PCDHGA4: variants seen among roughly 807,000 people sequenced by gnomAD.
The protein encoded by PCDHGA4 is protocadherin gamma-A4.
In PCDHGA4, 38 loss-of-function variants were observed where a neutral mutation model predicts 54.6. The observed-to-expected ratio is 0.70, with a 90% CI of 0.54 to 0.91. The LOEUF (loss-of-function observed/expected upper bound fraction) is 0.91. PCDHGA4 is among the 40% of genes least tolerant of loss of function. PCDHGA4 has a pLI of 0.00. For missense variants in PCDHGA4, 1,298 were observed against 1,220.9 expected, an observed-to-expected ratio of 1.06 and a Z score of -0.94; for synonymous variants, 511 against 512.9, an observed-to-expected ratio of 1.00 and a Z score of 0.05.
chr5:141,384,201 G>C (rs369190060), intron 1 of PCDHGA4: 30 of 1,613,802 alleles, frequency 1.9e-5, no homozygotes, highest in Non-Finnish European at 2.5e-5. Flanking sequence ...CCTTGTCCAG[G>C]GAAACTCACA....
intron 1 of PCDHGA4, chr5:141,479,743 T>C (rs2154578017): frequency 6.6e-6 from 1 of 152,356 alleles, no homozygotes; most frequent in African/African-American, 2.4e-5. Flanking sequence ...ATATGCACAA[T>C]GTGAAAGGTA....
intron 1 of PCDHGA4, among the ~76,000 whole-genome samples, chr5:141,450,814 A>ATT (rs755856825): frequency 0.033 from 4,450 of 136,778 alleles, 81 homozygotes; most frequent in Middle Eastern, 0.081. Context: ...TTATTTATTT[A>ATT]ATATTATTAT....
At chr5:141,415,157 C>T in intron 1 of PCDHGA4, 1 of 1,613,864 alleles carries the variant, frequency 6.2e-7, no homozygotes, top group Non-Finnish European at 8.5e-7. Flanking sequence ...CTCTCCGCCA[C>T]TGTCACGCTC....
intron 1 of PCDHGA4, chr5:141,428,211 C>A: frequency 7.8e-7 from 1 of 1,284,316 alleles, no homozygotes; most frequent in Non-Finnish European, 1.1e-6. Context: ...CTACGCTTCA[C>A]CTAGTCTTCG....
rs759226115 is a variant in PCDHGA4 at position 141,405,385 on chromosome 5, AT to A, written c.2514+47772del. On this transcript the variant is annotated intron_variant, in intron 1 of 3. Transcript: ENST00000571252. ...ACACCCCTTTGGTTCCGGTGAGTTC[AT>A]TTTTTTTCTTTCTTTCTTTTCTTTT... 1.8e-5 allele frequency: 29 copies of A among 1,599,886 alleles called. No homozygotes were observed. In the East Asian group the frequency reaches 2.2e-4, roughly 12 times the overall value.
chr5:141,392,735 C>G, intron 1 of PCDHGA4: 1 of 1,428,540 alleles, frequency 7.0e-7, no homozygotes, highest in South Asian at 1.5e-5. Context: ...ATTGTCATCT[C>G]CATAGCTGCG....
chr5:141,361,470 C>T, intron 1 of PCDHGA4: 1 of 1,614,060 alleles, frequency 6.2e-7, no homozygotes, highest in Admixed American at 1.7e-5. Flanking sequence ...TCTCCGACGT[C>T]AACGATAATG....
intron 1 of PCDHGA4, chr5:141,402,899 G>A: frequency 6.6e-7 from 1 of 1,516,814 alleles, no homozygotes; most frequent in Non-Finnish European, 8.8e-7. Context: ...GAAAGAACCT[G>A]ATGAAGCAGC....
rs752999009 is a variant in PCDHGA4, at chr5:141,409,899, C to T, written c.2514+52278C>T. 4 of 1,613,152 alleles carry T rather than the reference C, an allele frequency of 2.5e-6. No individual in the cohort carries two copies. The East Asian group carries it at 8.9e-5, about 36-fold the overall frequency. ...AACGCACCGCGGGTGCTGTACCCAG[C>T]TCTGGGTCCTGACGGCTCCGCGTTC... On this transcript the variant is annotated intron_variant, in intron 1 of 3. Coordinates refer to ENST00000571252, the MANE Select transcript of PCDHGA4 (RefSeq NM_018917.4).
Position 141,423,542 on chromosome 5 carries a change from C to T in PCDHGA4, c.2514+65921C>T, listed in dbSNP as rs755766737. 4.3e-6 allele frequency: 7 copies of T among 1,613,616 alleles called. No individual in the cohort carries two copies. The African/African-American group carries it at 6.7e-5, about 15-fold the overall frequency. The stretch of plus-strand genomic sequence containing the variant: ...TCGCAGAAGAGTCACCTGATTTTCC[C>T]CCAGCCCAACTATGGGGACACGCTC... On this transcript the variant is annotated intron_variant, in intron 1 of 3. Transcript: ENST00000571252.
In PCDHGA4 at chr5:141,486,030, C is replaced by T. The variant is rs2099623234; in HGVS notation, c.2515-8777C>T. 2 of 1,614,046 alleles carry T rather than the reference C, an allele frequency of 1.2e-6. No homozygotes were observed. Among genetic ancestry groups the T allele is most frequent in the African/African-American group, 1.3e-5 (1 of 74,918 alleles). On this transcript the variant is annotated intron_variant, in intron 1 of 3. Coordinates refer to ENST00000571252, the MANE Select transcript of PCDHGA4 (RefSeq NM_018917.4). This position sits in a 1 kb window ranked among gnomAD's most constrained non-coding sequence, Gnocchi z 5.0. ...ACCTTTTATTTCAGTGGTCATACCC[C>T]TGATCGTGTAAGAAACCTCTTTAGC...
intron 1 of PCDHGA4, chr5:141,426,739 GC>G (rs1345744337): frequency 8.8e-6 from 4 of 453,408 alleles, no homozygotes; most frequent in Non-Finnish European, 1.8e-5. Flanking sequence ...ATTCGGTTTG[GC>G]CTGGAATCTG....
intron 1 of PCDHGA4, chr5:141,408,083 C>A: frequency 7.1e-7 from 1 of 1,414,576 alleles, no homozygotes; most frequent in Non-Finnish European, 9.3e-7. Flanking sequence ...CCCAGCACAG[C>A]GGATTGCCAG....
chr5:141,377,605 C>CAAAAAA (rs71576112), intron 1 of PCDHGA4: 1 of 140,678 alleles, frequency 7.1e-6, no homozygotes. Flanking sequence ...CTCTCTCTCT[C>CAAAAAA]AAAAAAAAAA....
At chr5:141,362,330 GCT>G in intron 1 of PCDHGA4, 2 of 1,614,068 alleles carry the variant, frequency 1.2e-6, no homozygotes, top group Non-Finnish European at 1.7e-6. Flanking sequence ...CCTGGTCTCA[GCT>G]CCAAGCCTGG....
chr5:141,490,157 G>A lies in PCDHGA4; in HGVS notation c.2515-4650G>A. 6.2e-7 allele frequency: 1 copy of A among 1,614,210 alleles called. No homozygotes were observed. On this transcript the variant is annotated intron_variant, in intron 1 of 3. Transcript: ENST00000571252. The surrounding 1 kb of genome is among the most constrained non-coding windows in gnomAD (Gnocchi z 5.4). ...AGCAGTGGGGCAATCCATGTGTTGG[G>A]TCCCATAGACTTTGAGGAGTCACGT...
intron 1 of PCDHGA4, among the ~76,000 whole-genome samples, chr5:141,380,913 T>C (rs1776852594): frequency 6.6e-6 from 1 of 152,242 alleles, no homozygotes; most frequent in African/African-American, 2.4e-5. Flanking sequence ...AGTGCTTACA[T>C]TGTTTAATAA....
intron 1 of PCDHGA4, chr5:141,364,893 G>T (rs750465493): frequency 1.2e-6 from 2 of 1,613,968 alleles, no homozygotes; most frequent in Admixed American, 3.3e-5. Flanking sequence ...GGAACTGATG[G>T]ACAAAAGTAT....
rs759819103 is a variant in PCDHGA4, at chr5:141,398,546, T to A, written c.2514+40925T>A. On this transcript the variant is annotated intron_variant, in intron 1 of 3. Transcript: ENST00000571252. ...AAATTCACGCAAAATTCCTTTGAGC[T>A]GCAAATAAGTGAGTCTGCACAGCCT... 3.1e-6 allele frequency: 5 copies of A among 1,613,902 alleles called. No homozygotes were observed. The East Asian group carries it at 1.1e-4, about 36-fold the overall frequency.
Sources: allele counts gnomAD v4.1 joint callset (sites outside exome capture counted in the v4.1 genomes callset), GRCh38; gene constraint gnomAD v4.1.1; non-coding constraint Gnocchi (gnomAD v3.1); transcripts MANE v1.5; gene names NCBI Gene and HGNC (gene_info 2026-07-23, HGNC 2026-07-21).